PID1: variants seen among roughly 807,000 people sequenced by gnomAD.
PID1 encodes the protein phosphotyrosine interaction domain containing 1, also known as PTB-containing, cubilin and LRP1-interacting protein.
In PID1, 10 loss-of-function variants were observed where a neutral mutation model predicts 19.1. The ratio of observed to expected loss-of-function variants is 0.52; its 90% CI spans 0.32 to 0.89. The LOEUF (loss-of-function observed/expected upper bound fraction) is 0.89, where lower values mean the gene tolerates loss of function less well. Among genes scored for constraint, PID1 ranks in the 40% least tolerant of loss-of-function variants. PID1 has a pLI of 0.03. For missense variants in PID1, 248 were observed against 285.3 expected, an observed-to-expected ratio of 0.87 and a Z score of 0.94; for synonymous variants, 130 against 116.0, an observed-to-expected ratio of 1.12 and a Z score of -0.78.
Position 229,113,596 on chromosome 2 carries a change from ATG to A in PID1, c.177+42220_177+42221del, listed in dbSNP as rs3083856. On this transcript the variant is annotated intron_variant, in intron 2 of 2. Coordinates refer to ENST00000392055, the MANE Select transcript of PID1 (RefSeq NM_001100818.2). Reference sequence around the variant, plus strand: ...TATGTGTGTATGTGTGTATGCATATATGTGTGTGTGTGTGTGTGTGTGTGTGT... The same window carrying A: ...TATGTGTGTATGTGTGTATGCATATATGTGTGTGTGTGTGTGTGTGTGTGT... 6.0e-3 allele frequency among the ~76,000 whole-genome samples: 854 copies of A among 141,998 alleles called. 11 individuals are homozygous for A. Among genetic ancestry groups the A allele is most frequent in the African/African-American group, 0.02 (777 of 38,274 alleles). The allele number at this position is 141,998 out of a possible 152,430, so 93.2% of individuals were successfully genotyped here.
At chr2:229,038,955 A>G (rs1181000582) in intron 2 of PID1, among the ~76,000 whole-genome samples, 2 of 152,216 alleles carry the variant, frequency 1.3e-5, no homozygotes, top group Non-Finnish European at 1.5e-5. Flanking sequence ...CTGTGGATTT[A>G]TGGCATATAG....
intron 1 of PID1, among the ~76,000 whole-genome samples, chr2:229,239,791 A>G (rs1387563946): frequency 6.6e-6 from 1 of 152,192 alleles, no homozygotes; most frequent in Non-Finnish European, 1.5e-5. Flanking sequence ...GACTACTTTT[A>G]CAACTTGCTT....
intron 2 of PID1, among the ~76,000 whole-genome samples, chr2:229,144,750 A>G (rs1421744118): frequency 6.6e-6 from 1 of 152,138 alleles, no homozygotes; most frequent in African/African-American, 2.4e-5. Flanking sequence ...GAAACTGCCA[A>G]AATAAATAAT....
chr2:229,153,749 A>T (rs948525812), intron 2 of PID1, among the ~76,000 whole-genome samples: 14 of 152,228 alleles, frequency 9.2e-5, no homozygotes, highest in Admixed American at 2.6e-4. Context: ...ACACACACAC[A>T]TTTATTTAAT....
rs372949232 is a variant in PID1, at chr2:229,193,319, C to T, written c.31-37355G>A. Among the ~76,000 whole-genome samples the T allele has an allele frequency of 4.6e-5, 7 of 152,310 alleles. No homozygotes were observed. In the East Asian group the frequency reaches 1.4e-3, roughly 29 times the overall value. On this transcript the variant is annotated intron_variant, in intron 1 of 2. Coordinates refer to ENST00000392055, the MANE Select transcript of PID1 (RefSeq NM_001100818.2). ...TTCCAGTGGTCTTGGGATAGTCAGA[C>T]TTTGTTCATGGTGGCTCAGAGCTTC...
At chr2:229,195,355 GCACATA>G (rs1691352948) in intron 1 of PID1, among the ~76,000 whole-genome samples, 1 of 150,718 alleles carries the variant, frequency 6.6e-6, no homozygotes, top group African/African-American at 2.4e-5. Flanking sequence ...ACACACACAT[GCACATA>G]CACACATACA....
chr2:229,086,528 A>G (rs1316171749), intron 2 of PID1, among the ~76,000 whole-genome samples: 1 of 152,220 alleles, frequency 6.6e-6, no homozygotes, highest in Non-Finnish European at 1.5e-5. Context: ...ATCTTAAGTC[A>G]GGACCTTCTG....
chr2:229,098,609 C>T (rs1695017569), intron 2 of PID1, among the ~76,000 whole-genome samples: 1 of 152,082 alleles, frequency 6.6e-6, no homozygotes, highest in African/African-American at 2.4e-5. Flanking sequence ...ATTAGGATAA[C>T]ATTTCATCCC....
intron 2 of PID1, among the ~76,000 whole-genome samples, chr2:229,143,130 G>A (rs1559253986): frequency 6.7e-6 from 1 of 149,160 alleles, no homozygotes; most frequent in Non-Finnish European, 1.5e-5. Flanking sequence ...CTCACTTATA[G>A]GTGGGAATTG....
intron 1 of PID1, among the ~76,000 whole-genome samples, chr2:229,157,831 C>T (rs527949263): frequency 1.3e-5 from 2 of 152,304 alleles, no homozygotes; most frequent in Admixed American, 6.5e-5. Context: ...ACAAGGCAAC[C>T]ACCTACGTAC....
intron 2 of PID1, among the ~76,000 whole-genome samples, chr2:229,106,074 C>A (rs200017035): frequency 3.1e-4 from 2 of 6,454 alleles, no homozygotes; most frequent in Non-Finnish European, 1.0e-3. Context: ...AGCGAGATTC[C>A]GTCAAAAAAA....
In PID1 at chr2:229,260,816, C is replaced by CTTTTTTTTTTTTTT. The variant is rs1319033110; in HGVS notation, c.30+10197_30+10198insAAAAAAAAAAAAAA. Among the ~76,000 whole-genome samples, 2 of 121,188 alleles carry CTTTTTTTTTTTTTT rather than the reference C, an allele frequency of 1.7e-5. 1 individual carries two copies. The highest frequency in any genetic ancestry group is 1.9e-4 in the Admixed American group (2 of 10,688). The allele number at this position is 121,188 out of a possible 152,430, so 79.5% of individuals were successfully genotyped here. A position where few individuals can be genotyped will look rare whatever the true frequency, so the allele number is the denominator to read the frequency against. ...CAGATGTAGAGAAAATTCTGATTGC[C>CTTTTTTTTTTTTTT]ATTTTTTTTTTTTTTTTTTTTTTGG... On this transcript the variant is annotated intron_variant, in intron 1 of 2. Coordinates refer to ENST00000392055, the MANE Select transcript of PID1 (RefSeq NM_001100818.2).
intron 1 of PID1, among the ~76,000 whole-genome samples, chr2:229,205,933 T>C (rs1051272818): frequency 6.6e-6 from 1 of 152,154 alleles, no homozygotes; most frequent in African/African-American, 2.4e-5. Context: ...CTGCCCATCA[T>C]GAATAGGAGT....
intron 2 of PID1, among the ~76,000 whole-genome samples, chr2:229,035,402 G>A (rs943651181): frequency 3.9e-5 from 6 of 151,926 alleles, no homozygotes; most frequent in African/African-American, 1.5e-4. Flanking sequence ...AATGATGTGA[G>A]TCAATTATTT....
At chr2:229,069,070 T>G (rs1574602930) in intron 2 of PID1, among the ~76,000 whole-genome samples, 1 of 151,738 alleles carries the variant, frequency 6.6e-6, no homozygotes, top group South Asian at 2.1e-4. Flanking sequence ...TGGAAAAGAG[T>G]TTTTAAAATT....
intron 2 of PID1, among the ~76,000 whole-genome samples, chr2:229,114,167 C>CTCTCTCTCTCTCTCT (rs1695362068): frequency 8.4e-6 from 1 of 118,946 alleles, no homozygotes; most frequent in South Asian, 3.9e-4. Context: ...CTCTCTCTCT[C>CTCTCTCTCTCTCTCT]CACACAAACA....
At chr2:229,151,811 C>A (rs1003741418) in intron 2 of PID1, among the ~76,000 whole-genome samples, 3 of 152,122 alleles carry the variant, frequency 2.0e-5, no homozygotes, top group African/African-American at 7.2e-5. Flanking sequence ...ACCTCGTGAT[C>A]CGCCCGCCTC....
At chr2:229,224,348 G>T (rs971466813) in intron 1 of PID1, among the ~76,000 whole-genome samples, 1 of 152,070 alleles carries the variant, frequency 6.6e-6, no homozygotes, top group African/African-American at 2.4e-5. Flanking sequence ...CAGAAGAAAA[G>T]AAAACTCTTT....
At chr2:229,217,293 T>C (rs1020282940) in intron 1 of PID1, among the ~76,000 whole-genome samples, 1 of 152,206 alleles carries the variant, frequency 6.6e-6, no homozygotes, top group African/African-American at 2.4e-5. Flanking sequence ...GGTTTATGGG[T>C]CTTTTAAAAT....
Sources: gnomAD v4.1 joint callset for allele counts (sites outside exome capture counted in the v4.1 genomes callset) on GRCh38, gnomAD v4.1.1 for gene constraint, MANE v1.5 for transcripts, NCBI Gene and HGNC (gene_info 2026-07-23, HGNC 2026-07-21) for gene names.